DLGAP2: variants seen among roughly 807,000 people sequenced by gnomAD.
DLGAP2 encodes the protein DLG associated protein 2.
DLGAP2 carries 26 observed loss-of-function variants against 100.3 expected under a neutral mutation model. The ratio of observed to expected loss-of-function variants is 0.26; its 90% CI spans 0.19 to 0.36. The LOEUF (loss-of-function observed/expected upper bound fraction) is 0.36. Ranked by LOEUF, DLGAP2 falls within the 10% of genes least tolerant of loss-of-function variation. The pLI is 1.00. For missense variants in DLGAP2, 1,858 were observed against 1,453.2 expected (o/e 1.28, Z -4.53); for synonymous variants, 886 against 630.1 (o/e 1.41, Z -6.08).
intron 1 of DLGAP2, among the ~76,000 whole-genome samples, chr8:890,322 G>A (rs932487323): frequency 6.6e-6 from 1 of 152,152 alleles, no homozygotes; most frequent in Non-Finnish European, 1.5e-5. Context: ...TTTTCAGAGC[G>A]TTTGTGACCA....
intron 2 of DLGAP2, among the ~76,000 whole-genome samples, chr8:1,207,131 T>A (rs1426181598): frequency 2.0e-5 from 3 of 152,186 alleles, no homozygotes; most frequent in African/African-American, 7.2e-5. Context: ...ACAGGTGGTG[T>A]TTGGTTATAT....
At chr8:739,299 C>T (rs1224943172) in intron 1 of DLGAP2, 7 of 152,312 alleles carry the variant, frequency 4.6e-5, no homozygotes, top group Admixed American at 1.3e-4. Flanking sequence ...GAGACCCGGT[C>T]CCAGAGCCTG....
intron 2 of DLGAP2, among the ~76,000 whole-genome samples, chr8:959,433 C>G (rs1799671278): frequency 6.6e-6 from 1 of 152,220 alleles, no homozygotes; most frequent in Non-Finnish European, 1.5e-5. Flanking sequence ...TTTCCCACAG[C>G]CTTAGCTCTG....
intron 3 of DLGAP2, among the ~76,000 whole-genome samples, chr8:1,289,051 G>T (rs1334875052): frequency 6.6e-6 from 1 of 152,194 alleles, no homozygotes; most frequent in South Asian, 2.1e-4. Flanking sequence ...GACATTGGCA[G>T]ATAGAGCCGG....
At chr8:1,357,886 T>A (rs1373991118) in intron 3 of DLGAP2, among the ~76,000 whole-genome samples, 1 of 152,170 alleles carries the variant, frequency 6.6e-6, no homozygotes, top group Non-Finnish European at 1.5e-5. Flanking sequence ...CCCCTGCACC[T>A]GCATCTAACT....
intron 2 of DLGAP2, among the ~76,000 whole-genome samples, chr8:1,230,604 A>G (rs73527764): frequency 3.3e-5 from 5 of 152,212 alleles, no homozygotes; most frequent in East Asian, 1.9e-4. Flanking sequence ...CCTGACTTCA[A>G]ACTGTACTAT....
At chr8:1,223,898 A>T (rs911108607) in intron 2 of DLGAP2, among the ~76,000 whole-genome samples, 1 of 152,230 alleles carries the variant, frequency 6.6e-6, no homozygotes, top group African/African-American at 2.4e-5. Flanking sequence ...AATGTGTGAG[A>T]TGGAGAAAAA....
intron 1 of DLGAP2, among the ~76,000 whole-genome samples, chr8:823,127 G>C (rs1796617460): frequency 6.6e-6 from 1 of 152,034 alleles, no homozygotes; most frequent in Non-Finnish European, 1.5e-5. Context: ...CTCACTTGGT[G>C]GCAGCTTCAC....
At chr8:1,538,120 C>T (rs983548104) in intron 4 of DLGAP2, among the ~76,000 whole-genome samples, 1 of 152,210 alleles carries the variant, frequency 6.6e-6, no homozygotes, top group Non-Finnish European at 1.5e-5. Context: ...TGCCGAGGCA[C>T]TCATGTCCCA....
At chr8:1,040,240 G>C (rs1425516594) in intron 2 of DLGAP2, among the ~76,000 whole-genome samples, 5 of 138,884 alleles carry the variant, frequency 3.6e-5, no homozygotes, top group African/African-American at 1.3e-4. Flanking sequence ...CGGTTTCTGT[G>C]GTCAGCTCGG....
At chr8:1,552,202 G>A (rs780014950) in intron 5 of DLGAP2, among the ~76,000 whole-genome samples, 6 of 152,188 alleles carry the variant, frequency 3.9e-5, no homozygotes, top group African/African-American at 7.2e-5. Flanking sequence ...GAGCGTTATC[G>A]TGCCGACATT....
rs565583998 is a variant in DLGAP2 at position 822,293 on chromosome 8, A to G, written c.18+84468A>G. On this transcript the variant is annotated intron_variant, in intron 1 of 14. Coordinates refer to ENST00000637795, the MANE Select transcript of DLGAP2 (RefSeq NM_001346810.2). ...GCTGTGATGGGTGCTCCACCCGGGG[A>G]GGGGCACAGGGGTGACGGGGGCCTG... 1.4e-3 allele frequency: 544 copies of G among 398,668 alleles called. 2 individuals are homozygous for G. Among genetic ancestry groups the G allele is most frequent in the Middle Eastern group, 4.4e-3 (7 of 1,590 alleles). The allele number at this position is 398,668 out of a possible 1,614,324, so 24.7% of individuals were successfully genotyped here. A position where few individuals can be genotyped will look rare whatever the true frequency, so the allele number is the denominator to read the frequency against.
chr8:1,632,716 C>A (rs1469088902), intron 7 of DLGAP2, 111 bp from the exon 8 acceptor site: 5 of 1,041,700 alleles, frequency 4.8e-6, no homozygotes, highest in Non-Finnish European at 5.6e-6. Context: ...CTGTGCTGAA[C>A]TATGAGGCAG....
intron 3 of DLGAP2, among the ~76,000 whole-genome samples, chr8:1,280,142 A>G (rs1038825409): frequency 1.6e-4 from 24 of 152,182 alleles, no homozygotes; most frequent in Admixed American, 2.6e-4. Flanking sequence ...CAGGGGTCGC[A>G]TAATTCCTTT....
At chr8:1,462,756 G>A (rs1200460696) in intron 3 of DLGAP2, among the ~76,000 whole-genome samples, 1 of 152,248 alleles carries the variant, frequency 6.6e-6, no homozygotes, top group East Asian at 1.9e-4. Context: ...TCCCCCCGCA[G>A]AGGCCAGGGA....
chr8:1,417,678 C>T (rs1796955447), intron 3 of DLGAP2, among the ~76,000 whole-genome samples: 1 of 150,298 alleles, frequency 6.7e-6, no homozygotes, highest in Non-Finnish European at 1.5e-5. Flanking sequence ...CGCGAGGCTC[C>T]AGGGGGGCAC....
chr8:894,856 C>T (rs1034815970), intron 1 of DLGAP2, among the ~76,000 whole-genome samples: 17 of 82,126 alleles, frequency 2.1e-4, no homozygotes, highest in East Asian at 4.0e-4. Flanking sequence ...CTGGCAGGGG[C>T]GGGGTGGGGA....
chr8:1,305,982 A>T (rs1303826307), intron 3 of DLGAP2, among the ~76,000 whole-genome samples: 2 of 151,080 alleles, frequency 1.3e-5, no homozygotes, highest in African/African-American at 4.9e-5. Flanking sequence ...ATGTAATTTT[A>T]TATCCAGATA....
chr8:1,582,606 C>G (rs6989505), intron 6 of DLGAP2, among the ~76,000 whole-genome samples: 53,638 of 151,614 alleles, frequency 0.35, 10,262 homozygotes, highest in East Asian at 0.49. Context: ...TTTTCCCCCG[C>G]CAAGATGGAG....
Sources: gnomAD v4.1 joint callset for allele counts (sites outside exome capture counted in the v4.1 genomes callset) on GRCh38, gnomAD v4.1.1 for gene constraint, MANE v1.5 for transcripts, NCBI Gene and HGNC (gene_info 2026-07-23, HGNC 2026-07-21) for gene names.